The following DCBLD2 variants were observed in gnomAD, a reference collection of about 807,000 sequenced individuals.
DCBLD2 encodes the protein discoidin, CUB and LCCL domain containing 2, also known as discoidin, CUB and LCCL domain-containing protein 2.
In DCBLD2, 54 loss-of-function variants were observed where a neutral mutation model predicts 86.8. The ratio of observed to expected loss-of-function variants is 0.62; its 90% confidence interval spans 0.50 to 0.78. The LOEUF (loss-of-function observed/expected upper bound fraction) is 0.78. Ranked by LOEUF, DCBLD2 falls within the 30% of genes least tolerant of loss-of-function variation. The pLI is 0.00. For missense variants in DCBLD2, 908 were observed against 954.2 expected (o/e 0.95, Z 0.64); for synonymous variants, 354 against 341.3 (o/e 1.04, Z -0.41).
intron 2 of DCBLD2, among the ~76,000 whole-genome samples, chr3:98,860,457 ATG>A (rs1943019465): frequency 9.4e-6 from 1 of 106,358 alleles, no homozygotes; most frequent in African/African-American, 4.0e-5. Context: ...GGAAAAAATG[ATG>A]AGAGCAGCCA....
chr3:98,803,805 T>C (rs977735444), intron 13 of DCBLD2, among the ~76,000 whole-genome samples: 7 of 152,214 alleles, frequency 4.6e-5, no homozygotes, highest in African/African-American at 9.7e-5. Context: ...GAGATAATCA[T>C]GTAGTGTTTG....
At chr3:98,899,266 T>C (rs1360718517) in intron 1 of DCBLD2, among the ~76,000 whole-genome samples, 119 of 147,612 alleles carry the variant, frequency 8.1e-4, no homozygotes, top group Admixed American at 2.7e-3. Context: ...TTTTCTTTTT[T>C]TTTTTTTTTT....
chr3:98,899,326 G>A (rs1450928419), intron 1 of DCBLD2, among the ~76,000 whole-genome samples: 4 of 144,460 alleles, frequency 2.8e-5, no homozygotes, highest in East Asian at 2.1e-4. Flanking sequence ...TGGCGCGATC[G>A]CTGCAACCTC....
intron 1 of DCBLD2, among the ~76,000 whole-genome samples, chr3:98,886,789 A>T (rs1472226291): frequency 7.0e-6 from 1 of 142,776 alleles, no homozygotes; most frequent in Non-Finnish European, 1.5e-5. Flanking sequence ...TTTTGATATT[A>T]TTACAGGAAA....
rs1035059557 is a variant in DCBLD2 at position 98,901,176 on chromosome 3, G to A, written c.151C>T (p.Leu51Phe). ...AGGAGCAGGACAAGTAAGAGCAGGA[G>A]GAACAGAGGCATGGAGAAGGAGGAG... The part of the protein sequence containing the change: ...NSSSFSMPLF[L>F]LLLLVLLLLL... Residue 51 changes from leucine to phenylalanine, a missense_variant, in exon 1 of 16, where the codon CTC (leucine) becomes TTC (phenylalanine). Coordinates refer to ENST00000326840, the MANE Select transcript of DCBLD2 (RefSeq NM_080927.4). 9 of 1,538,058 alleles carry A rather than the reference G, an allele frequency of 5.9e-6. No individual in the cohort carries two copies. The highest frequency in any genetic ancestry group is 7.8e-6 in the Non-Finnish European group (9 of 1,146,810).
At chr3:98,830,468 T>C (rs1157560888) in intron 3 of DCBLD2, among the ~76,000 whole-genome samples, 5 of 152,248 alleles carry the variant, frequency 3.3e-5, no homozygotes, top group Non-Finnish European at 7.3e-5. Context: ...TAGCCAGTTA[T>C]CCCAGCACCA....
At chr3:98,822,060 CAAAAA>C in intron 6 of DCBLD2, 163 bp downstream of exon 6, 3 of 889,158 alleles carry the variant, frequency 3.4e-6, no homozygotes, top group Non-Finnish European at 5.5e-6. Flanking sequence ...CAAAACAAAA[CAAAAA>C]AACAGACACT....
intron 2 of DCBLD2, among the ~76,000 whole-genome samples, chr3:98,878,148 CAA>C (rs1339261280): frequency 6.6e-6 from 1 of 152,068 alleles, no homozygotes; most frequent in African/African-American, 2.4e-5. Flanking sequence ...TCCAACATTT[CAA>C]AGAGTCTCCC....
At chr3:98,834,699 T>C (rs1942396345) in intron 3 of DCBLD2, among the ~76,000 whole-genome samples, 1 of 151,400 alleles carries the variant, frequency 6.6e-6, no homozygotes, top group Non-Finnish European at 1.5e-5. Flanking sequence ...ACTCATCCAT[T>C]GATGGATACT....
chr3:98,866,840 G>A (rs999563579), intron 2 of DCBLD2, among the ~76,000 whole-genome samples: 1 of 152,174 alleles, frequency 6.6e-6, no homozygotes, highest in Non-Finnish European at 1.5e-5. Flanking sequence ...ATGGTTTTAG[G>A]TCTAACATTT....
intron 4 of DCBLD2, among the ~76,000 whole-genome samples, chr3:98,824,684 A>G (rs1037642175): frequency 5.9e-5 from 9 of 152,184 alleles, no homozygotes; most frequent in Admixed American, 3.3e-4. Context: ...TGGAGAACAT[A>G]AGATGAGACT....
At chr3:98,839,947 G>C (rs1576175078) in intron 3 of DCBLD2, among the ~76,000 whole-genome samples, 2 of 152,154 alleles carry the variant, frequency 1.3e-5, no homozygotes, top group African/African-American at 4.8e-5. Flanking sequence ...TTAGGTATTT[G>C]AATCTGAGAA....
chr3:98,819,991 C>T (rs1018626824), intron 7 of DCBLD2, among the ~76,000 whole-genome samples: 3 of 152,142 alleles, frequency 2.0e-5, no homozygotes, highest in East Asian at 1.9e-4. Flanking sequence ...TTCTGTTGAA[C>T]GAATTGATTA....
intron 2 of DCBLD2, among the ~76,000 whole-genome samples, chr3:98,857,927 C>G (rs376732660): frequency 8.1e-4 from 123 of 152,372 alleles, no homozygotes; most frequent in African/African-American, 2.7e-3. Context: ...GATCCCGCAC[C>G]GGGGCTGCAG....
intron 2 of DCBLD2, among the ~76,000 whole-genome samples, chr3:98,877,532 T>G (rs924525926): frequency 6.6e-6 from 1 of 152,222 alleles, no homozygotes; most frequent in Non-Finnish European, 1.5e-5. Context: ...GCATTAGTAT[T>G]AAAGGTATCA....
chr3:98,806,402 T>C (rs1941840192), intron 13 of DCBLD2, among the ~76,000 whole-genome samples: 1 of 152,214 alleles, frequency 6.6e-6, no homozygotes, highest in Admixed American at 6.5e-5. Flanking sequence ...CTATCACTGT[T>C]GTTGCTAAGT....
At chr3:98,896,900 A>G (rs1313174303) in intron 1 of DCBLD2, among the ~76,000 whole-genome samples, 1 of 152,170 alleles carries the variant, frequency 6.6e-6, no homozygotes, top group Non-Finnish European at 1.5e-5. Flanking sequence ...AAATATATCA[A>G]GAAGTGGAAG....
chr3:98,796,312 C>T lies in DCBLD2; in HGVS notation c.*3060G>A, dbSNP rs1439072006. ...TTGGATTACATTAGAATTGGTGCCACAGTTGACTTTAAAAGCATTTTAATA... is the reference window on the plus strand; with the variant it reads ...TTGGATTACATTAGAATTGGTGCCATAGTTGACTTTAAAAGCATTTTAATA... On this transcript the variant is annotated 3_prime_UTR_variant, in exon 16 of 16. Transcript: ENST00000326840. 2 of 133,766 alleles carry T rather than the reference C, an allele frequency of 1.5e-5. No homozygotes were observed. The highest frequency in any genetic ancestry group is 2.5e-5 in the African/African-American group (1 of 40,400). The allele number at this position is 133,766 out of a possible 1,614,324, so 8.3% of individuals were successfully genotyped here.
chr3:98,873,367 C>T (rs932255290), intron 2 of DCBLD2, among the ~76,000 whole-genome samples: 1 of 151,818 alleles, frequency 6.6e-6, no homozygotes, highest in African/African-American at 2.4e-5. Flanking sequence ...GAGAGTAAAC[C>T]TTCTCAAGTA....
Sources: gnomAD v4.1 joint callset for allele counts (sites outside exome capture counted in the v4.1 genomes callset) on GRCh38, gnomAD v4.1.1 for gene constraint, MANE v1.5 for transcripts, NCBI Gene and HGNC (gene_info 2026-07-23, HGNC 2026-07-21) for gene names.